Variants in CLDN10 observed in about 807,000 individuals in gnomAD.
CLDN10 encodes claudin-10.
In CLDN10, 15 loss-of-function variants were observed where a neutral mutation model predicts 22.9. That is an observed-to-expected ratio of 0.65 (90% confidence interval 0.44 to 1.01). CLDN10 has a LOEUF of 1.01. Ranked by LOEUF, CLDN10 falls within the 50% of genes least tolerant of loss-of-function variation. The pLI is 0.00. For missense variants in CLDN10, 247 were observed against 287.8 expected, an observed-to-expected ratio of 0.86 and a Z score of 1.03; for synonymous variants, 114 against 111.4, an observed-to-expected ratio of 1.02 and a Z score of -0.15.
intron 1 of CLDN10, among the ~76,000 whole-genome samples, chr13:95,440,958 T>C (rs1319619410): frequency 6.6e-6 from 1 of 152,210 alleles, no homozygotes; most frequent in Non-Finnish European, 1.5e-5. Context: ...TGTTCTTTCA[T>C]GGAAGCATCA....
chr13:95,489,516 A>G (rs977650550), intron 1 of CLDN10, among the ~76,000 whole-genome samples: 1 of 151,866 alleles, frequency 6.6e-6, no homozygotes, highest in Non-Finnish European at 1.5e-5. Context: ...TTGGCCATTT[A>G]TATATCTTCT....
chr13:95,574,028 T>C (rs1314780049), intron 3 of CLDN10, among the ~76,000 whole-genome samples: 1 of 152,202 alleles, frequency 6.6e-6, no homozygotes, highest in Non-Finnish European at 1.5e-5. Flanking sequence ...GCTTCATCCA[T>C]ATCCCTGCAA....
intron 1 of CLDN10, among the ~76,000 whole-genome samples, chr13:95,437,347 C>T (rs1453316029): frequency 1.3e-5 from 2 of 152,180 alleles, no homozygotes; most frequent in African/African-American, 4.8e-5. Flanking sequence ...AATCCAAAGC[C>T]AATTCACTAT....
intron 1 of CLDN10, among the ~76,000 whole-genome samples, chr13:95,447,738 C>T (rs972359757): frequency 7.7e-6 from 1 of 129,994 alleles, no homozygotes; most frequent in African/African-American, 3.3e-5. Flanking sequence ...GGGGAGTGCA[C>T]ATGCGTGTGT....
chr13:95,528,143 A>G (rs993061921), intron 1 of CLDN10, among the ~76,000 whole-genome samples: 2 of 152,150 alleles, frequency 1.3e-5, no homozygotes, highest in Non-Finnish European at 2.9e-5. Flanking sequence ...GTCCTCACCC[A>G]ATTCTCATCT....
At chr13:95,569,547 G>A (rs1362106192) in intron 3 of CLDN10, among the ~76,000 whole-genome samples, 1 of 152,004 alleles carries the variant, frequency 6.6e-6, no homozygotes, top group African/African-American at 2.4e-5. Flanking sequence ...TCGCACCACT[G>A]CACTCCAGCC....
intron 1 of CLDN10, among the ~76,000 whole-genome samples, chr13:95,472,592 C>T (rs534036218): frequency 6.6e-6 from 1 of 151,096 alleles, no homozygotes; most frequent in East Asian, 1.9e-4. Flanking sequence ...ATTGCTTAAA[C>T]CCAGGAGGCA....
intron 1 of CLDN10, among the ~76,000 whole-genome samples, chr13:95,525,048 G>A (rs559068127): frequency 4.5e-4 from 68 of 151,798 alleles, no homozygotes; most frequent in African/African-American, 1.5e-3. Context: ...TAGTAGAGAC[G>A]GGGTTTCTCC....
intron 1 of CLDN10, among the ~76,000 whole-genome samples, chr13:95,479,132 C>T (rs2042715536): frequency 3.3e-5 from 5 of 152,270 alleles, no homozygotes; most frequent in East Asian, 1.9e-4. Context: ...AGGCAGATCA[C>T]GAGGTCAGGA....
chr13:95,474,884 G>A (rs2042670143), intron 1 of CLDN10, among the ~76,000 whole-genome samples: 1 of 152,174 alleles, frequency 6.6e-6, no homozygotes, highest in South Asian at 2.1e-4. Flanking sequence ...GTTCTGTGCT[G>A]CAGGTGCCAG....
intron 1 of CLDN10, among the ~76,000 whole-genome samples, chr13:95,505,781 G>A (rs2043032541): frequency 7.9e-6 from 1 of 127,316 alleles, no homozygotes; most frequent in African/African-American, 2.9e-5. Context: ...TTGAGACGGA[G>A]TCTCGCTCTG....
chr13:95,567,495 T>G (rs2043801693), intron 3 of CLDN10, among the ~76,000 whole-genome samples: 1 of 152,234 alleles, frequency 6.6e-6, no homozygotes, highest in African/African-American at 2.4e-5. Flanking sequence ...TGGCTGAAGT[T>G]GCTTATCAGC....
chr13:95,512,423 T>A (rs2043114147), intron 1 of CLDN10, among the ~76,000 whole-genome samples: 1 of 152,170 alleles, frequency 6.6e-6, no homozygotes. Context: ...GGTTTGTTTG[T>A]TTTGGGTTTG....
intron 1 of CLDN10, among the ~76,000 whole-genome samples, chr13:95,501,579 A>C (rs541201737): frequency 6.6e-6 from 1 of 152,320 alleles, no homozygotes; most frequent in African/African-American, 2.4e-5. Flanking sequence ...GTCTGAAGTC[A>C]ATACAGCTAC....
At position 95,569,791 on chromosome 13, in the gene CLDN10, C is replaced by T. The variant is rs550210143; in HGVS notation, c.465-7440C>T. On this transcript the variant is annotated intron_variant, in intron 3 of 4. Coordinates refer to ENST00000299339, the MANE Select transcript of CLDN10 (RefSeq NM_006984.5). ...TGTCAGATACGCCTTTTTTTTGAGA[C>T]GGAGTCTTGCTCTGTCGCCCAGGCT... 1.8e-4 allele frequency among the ~76,000 whole-genome samples: 28 copies of T among 151,588 alleles called. No individual in the cohort carries two copies. In the South Asian group the frequency reaches 4.0e-3, roughly 21 times the overall value.
intron 3 of CLDN10, among the ~76,000 whole-genome samples, chr13:95,571,657 T>G (rs1444609424): frequency 2.0e-5 from 3 of 152,214 alleles, no homozygotes; most frequent in Non-Finnish European, 4.4e-5. Context: ...TGATAATTGC[T>G]GTAGAATACT....
At chr13:95,446,960 A>G (rs2042386764) in intron 1 of CLDN10, among the ~76,000 whole-genome samples, 1 of 152,172 alleles carries the variant, frequency 6.6e-6, no homozygotes. Context: ...TTCTGGGAGA[A>G]CGGACTACTA....
intron 1 of CLDN10, among the ~76,000 whole-genome samples, chr13:95,467,658 T>A (rs2042593591): frequency 6.6e-6 from 1 of 152,082 alleles, no homozygotes; most frequent in Non-Finnish European, 1.5e-5. Flanking sequence ...AGAAACAGAA[T>A]CAATAGAAGA....
chr13:95,510,173 G>A (rs374905615), intron 1 of CLDN10, among the ~76,000 whole-genome samples: 1 of 152,216 alleles, frequency 6.6e-6, no homozygotes, highest in South Asian at 2.1e-4. Flanking sequence ...TTTCCCCAGA[G>A]GGACACCCTG....
Sources: allele counts gnomAD v4.1 joint callset (sites outside exome capture counted in the v4.1 genomes callset), GRCh38; gene constraint gnomAD v4.1.1; transcripts MANE v1.5; gene names NCBI Gene and HGNC (gene_info 2026-07-23, HGNC 2026-07-21).